Variants in SF3A1 observed in about 807,000 individuals in gnomAD.
The protein encoded by SF3A1 is SAP 114.
Under a neutral mutation model 89.9 loss-of-function variants are expected in SF3A1, and 13 were observed. The observed-to-expected ratio is 0.14, with a 90% CI of 0.09 to 0.23. The LOEUF is 0.23. Among genes scored for constraint, SF3A1 ranks in the 10% least tolerant of loss-of-function variants. The probability of loss-of-function intolerance (pLI) is 1.00; values close to 1 mark genes in which losing one functional copy is unlikely to be tolerated. For missense variants in SF3A1, 604 were observed against 1,022.1 expected (o/e 0.59, Z 5.58); for synonymous variants, 405 against 374.4 (o/e 1.08, Z -0.94).
Position 30,353,059 on chromosome 22 carries a change from T to G in SF3A1, c.77A>C (p.Glu26Ala), listed in dbSNP as rs148655562. 21 of 1,613,976 alleles carry G rather than the reference T, an allele frequency of 1.3e-5. No individual in the cohort carries two copies. Among genetic ancestry groups the G allele is most frequent in the East Asian group, 4.5e-5 (2 of 44,894 alleles). Residue 26 changes from glutamate to alanine, a missense_variant, in exon 2 of 16, where the codon GAA (glutamate) becomes GCA (alanine). This residue lies in a region of SF3A1 where 55 missense variants were observed against 43.8 expected (regional missense o/e 1.25). Coordinates refer to ENST00000215793, the MANE Select transcript of SF3A1 (RefSeq NM_005877.6). ...TGCAGAATCCTCCTTTGAAGATGCT[T>G]CTTCTTCTGTGGGCTGTGCAAACAG... ...PTEPKQPTEE[E>A]ASSKEDSAPS... is the part of the protein sequence containing the mutation.
intron 1 of SF3A1, among the ~76,000 whole-genome samples, chr22:30,356,172 CTCATA>C (rs1266516252): frequency 3.9e-5 from 6 of 152,200 alleles, no homozygotes; most frequent in Admixed American, 1.3e-4. Flanking sequence ...GGTGAGCATT[CTCATA>C]TGTCTGTCTT....
chr22:30,356,509 C>A, intron 1 of SF3A1: 1 of 401,114 alleles, frequency 2.5e-6, no homozygotes, highest in East Asian at 3.6e-5. Flanking sequence ...AAGAAGCTCC[C>A]GGCTCGTGCC....
chr22:30,352,946 G>A lies in SF3A1; in HGVS notation c.185+5C>T, dbSNP rs374953840. On this transcript the variant is annotated splice_donor_5th_base_variant and intron_variant, in intron 2 of 15. Coordinates refer to ENST00000215793, the MANE Select transcript of SF3A1 (RefSeq NM_005877.6). ...ACCTCTGACCCACCCAAGTAGCTCTGTTACCTGGCCACAAAGCTGGCAGTC... is the reference window on the plus strand; with the variant it reads ...ACCTCTGACCCACCCAAGTAGCTCTATTACCTGGCCACAAAGCTGGCAGTC... The A allele has an allele frequency of 1.2e-4, 190 of 1,613,898 alleles. 1 individual carries two copies. The highest frequency in any genetic ancestry group is 1.4e-4 in the Non-Finnish European group (167 of 1,179,906).
In SF3A1 at chr22:30,341,868, T is replaced by TG; in HGVS notation, c.894dup (p.Thr299HisfsTer17). The TG allele has an allele frequency of 6.2e-7, 1 of 1,612,920 alleles. No homozygotes were observed. The highest frequency in any genetic ancestry group is 8.5e-7 in the Non-Finnish European group (1 of 1,179,918). On this transcript the variant is annotated frameshift_variant, in exon 7 of 16. Transcript: ENST00000215793. LOFTEE classifies it high-confidence loss of function. ...CGGGCCCCCAGCTCCTCTGGCGTGG[T>TG]GGGGGGAGGGAAGTTCCCTAGAGGG...
rs1372939116 is a variant in SF3A1, at chr22:30,337,584, A to G, written c.1951+106T>C. ...GCCAGGGCTCTCCTCTGGGCTGGAT[A>G]CCCTGCTGGAACAGCTGGCACTAGC... On this transcript the variant is annotated intron_variant, in intron 12 of 15. Transcript: ENST00000215793. 4 of 718,286 alleles carry G rather than the reference A, an allele frequency of 5.6e-6. No individual in the cohort carries two copies. In the African/African-American group the frequency reaches 7.0e-5, roughly 13 times the overall value. The allele number at this position is 718,286 out of a possible 1,614,324, so 44.5% of individuals were successfully genotyped here.
intron 2 of SF3A1, 49 bp downstream of exon 2, chr22:30,352,902 T>C (rs1442031957): frequency 6.2e-7 from 1 of 1,606,970 alleles, no homozygotes; most frequent in East Asian, 2.2e-5. Flanking sequence ...AGTGCTGAAG[T>C]CTCTTCATGC....
intron 4 of SF3A1, 45 bp downstream of exon 4, chr22:30,344,888 T>C: frequency 1.3e-6 from 2 of 1,595,838 alleles, no homozygotes; most frequent in East Asian, 4.5e-5. Flanking sequence ...ATAAGATGTT[T>C]TCCTTTCCTG....
chr22:30,339,898 C>T (rs1463513712), intron 9 of SF3A1, among the ~76,000 whole-genome samples: 4 of 152,222 alleles, frequency 2.6e-5, no homozygotes, highest in Admixed American at 2.6e-4. Context: ...TTCCAAAGAG[C>T]TCATGGTACT....
intron 9 of SF3A1, among the ~76,000 whole-genome samples, chr22:30,339,679 G>A (rs974162052): frequency 1.3e-5 from 2 of 152,152 alleles, no homozygotes; most frequent in Admixed American, 6.5e-5. Flanking sequence ...CTGCTTGAAC[G>A]TGAGAGGCGG....
At chr22:30,336,837 C>T (rs1463200716) in intron 13 of SF3A1, among the ~76,000 whole-genome samples, 189 bp downstream of exon 13, 1 of 152,232 alleles carries the variant, frequency 6.6e-6, no homozygotes, top group African/African-American at 2.4e-5. Flanking sequence ...ACCACCAATG[C>T]TCTCTGCTCC....
Position 30,335,555 on chromosome 22 carries a change from C to T in SF3A1, c.2209-17G>A, listed in dbSNP as rs1569169295. ...GACAGAGACCTGTGGGATCAAGCAG[C>T]GGTCATTCAACTCCTTGGTAAGGCC... is the stretch of plus-strand genomic sequence containing the variant. On this transcript the variant is annotated splice_polypyrimidine_tract_variant and intron_variant, in intron 14 of 15. Transcript: ENST00000215793. 2.5e-6 allele frequency: 4 copies of T among 1,613,788 alleles called. No individual in the cohort carries two copies. Among genetic ancestry groups the T allele is most frequent in the South Asian group, 1.1e-5 (1 of 91,084 alleles).
intron 1 of SF3A1, 125 bp downstream of exon 1, chr22:30,356,605 G>A: frequency 1.4e-6 from 1 of 705,732 alleles, no homozygotes; most frequent in Non-Finnish European, 2.0e-6. Flanking sequence ...CGCGGGAAGC[G>A]CGCAGCCTCT....
Position 30,338,802 on chromosome 22 carries a change from G to A in SF3A1, c.1730C>T (p.Pro577Leu), listed in dbSNP as rs1399512456. The A allele has an allele frequency of 1.2e-6, 2 of 1,614,006 alleles. No homozygotes were observed. Among genetic ancestry groups the A allele is most frequent in the South Asian group, 2.2e-5 (2 of 91,090 alleles). Residue 577 changes from proline (P) to leucine (L), a missense_variant, in exon 11 of 16, where the codon CCC (proline) becomes CTC (leucine). By Grantham distance (98) the Pro-to-Leu change is moderately conservative. Transcript: ENST00000215793. ...PSSAPPITSV[P>L]RPPTMPPPVR... ...ATGCTGGCTTACTGTGGGTGGTCGGGGCACTGAAGTGATGGGTGGAGCCGA... is the reference window on the plus strand; with the variant it reads ...ATGCTGGCTTACTGTGGGTGGTCGGAGCACTGAAGTGATGGGTGGAGCCGA...
At chr22:30,351,393 A>G (rs1007848360) in intron 2 of SF3A1, among the ~76,000 whole-genome samples, 1 of 152,178 alleles carries the variant, frequency 6.6e-6, no homozygotes, top group African/African-American at 2.4e-5. Flanking sequence ...AATGATGCAT[A>G]CTGACTGAGA....
At chr22:30,336,852 A>T (rs1165381919) in intron 13 of SF3A1, among the ~76,000 whole-genome samples, 174 bp downstream of exon 13, 2 of 152,080 alleles carry the variant, frequency 1.3e-5, no homozygotes. Flanking sequence ...TGCTCCTCCA[A>T]TTGTTGGCCC....
chr22:30,342,566 G>C, intron 5 of SF3A1: 1 of 635,218 alleles, frequency 1.6e-6, no homozygotes, highest in East Asian at 2.7e-5. Context: ...CTGGCCTTCT[G>C]TCTTCTAGCT....
intron 11 of SF3A1, 99 bp from the exon 12 acceptor site, chr22:30,337,996 G>T (rs898474119): frequency 2.4e-6 from 2 of 840,736 alleles, no homozygotes; most frequent in Admixed American, 4.0e-5. Context: ...GAGGATGGAG[G>T]TTAGACAACT....
At chr22:30,341,530 A>G in intron 7 of SF3A1, among the ~76,000 whole-genome samples, 162 bp downstream of exon 7, 1 of 99,054 alleles carries the variant, frequency 1.0e-5, no homozygotes. Context: ...AGCTGGAAAG[A>G]GGCTCTGTGC....
chr22:30,339,401 G>T, intron 9 of SF3A1, 150 bp from the exon 10 acceptor site: 1 of 969,388 alleles, frequency 1.0e-6, no homozygotes, highest in Non-Finnish European at 1.5e-6. Context: ...TCTGGGCTCG[G>T]GGAAAGCTGC....
Sources: allele counts gnomAD v4.1 joint callset (sites outside exome capture counted in the v4.1 genomes callset), GRCh38; gene constraint gnomAD v4.1.1; regional missense constraint gnomAD v4.1.1; transcripts MANE v1.5; gene names NCBI Gene and HGNC (gene_info 2026-07-23, HGNC 2026-07-21).